MAPK4: variants seen among roughly 807,000 people sequenced by gnomAD.
The protein encoded by MAPK4 is mitogen-activated protein kinase 4, also known as Erk3-related.
In MAPK4, 22 loss-of-function variants were observed where a neutral mutation model predicts 47.7. That is an observed-to-expected ratio of 0.46 (90% confidence interval 0.33 to 0.66). The LOEUF is 0.66. MAPK4 is among the 30% of genes least tolerant of loss of function. The pLI, the probability that MAPK4 is intolerant of heterozygous loss-of-function variation, is 0.02. For missense variants in MAPK4, 736 were observed against 831.7 expected (o/e 0.88, Z 1.42); for synonymous variants, 390 against 365.7 (o/e 1.07, Z -0.76).
At chr18:50,624,489 T>C (rs1253526459) in intron 1 of MAPK4, among the ~76,000 whole-genome samples, 4 of 152,208 alleles carry the variant, frequency 2.6e-5, no homozygotes, top group Admixed American at 1.3e-4. Flanking sequence ...CTAATATTGT[T>C]AATAGTATAT....
intron 1 of MAPK4, among the ~76,000 whole-genome samples, chr18:50,643,897 A>G (rs1171627067): frequency 6.6e-6 from 1 of 152,148 alleles, no homozygotes; most frequent in African/African-American, 2.4e-5. Flanking sequence ...TTTGCCTTTC[A>G]GAAATGTCTT....
intron 1 of MAPK4, among the ~76,000 whole-genome samples, chr18:50,649,308 G>A (rs991487988): frequency 5.9e-5 from 9 of 152,134 alleles, no homozygotes; most frequent in Admixed American, 2.6e-4. Flanking sequence ...GATTCAGAAC[G>A]AAAAACAATT....
intron 1 of MAPK4, among the ~76,000 whole-genome samples, chr18:50,632,037 G>T (rs570346983): frequency 6.6e-6 from 1 of 152,266 alleles, no homozygotes; most frequent in Admixed American, 6.5e-5. Context: ...CGTGAGAAAG[G>T]CACAGTGGGG....
chr18:50,582,500 C>T lies in MAPK4; in HGVS notation c.-871+22257C>T, dbSNP rs375461397. On this transcript the variant is annotated intron_variant, in intron 1 of 5. Coordinates refer to ENST00000400384, the MANE Select transcript of MAPK4 (RefSeq NM_002747.4). ...GCACTGGGCAGGTGGGTAGACTAGG[C>T]CAGTGGTTCTCAAACTGTAGTCTGC... 2.4e-4 allele frequency among the ~76,000 whole-genome samples: 36 copies of T among 152,324 alleles called. No homozygotes were observed. The East Asian group carries it at 2.7e-3, about 11-fold the overall frequency.
rs1229809789 is a variant in MAPK4, at chr18:50,721,946, G to A, written c.700G>A (p.Glu234Lys). 3.1e-6 allele frequency: 5 copies of A among 1,613,980 alleles called. No homozygotes were observed. The East Asian group carries it at 6.7e-5, about 22-fold the overall frequency. The change falls in exon 4 of 6, where the codon GAG (glutamate) becomes AAG (lysine). Residue 234 changes from glutamate to lysine, a missense_variant. Glu to Lys is a moderately conservative substitution (Grantham distance 56). Transcript: ENST00000400384. Reference protein sequence around the residue: ...TGRMLFAGAHELEQMQLILET... With the variant: ...TGRMLFAGAHKLEQMQLILET... Reference sequence around the variant, plus strand: ...TGGCATTGCCTCCCCAGGGGCCCATGAGCTGGAGCAGATGCAACTCATCCT... The same window carrying A: ...TGGCATTGCCTCCCCAGGGGCCCATAAGCTGGAGCAGATGCAACTCATCCT...
At chr18:50,563,881 A>G (rs570442904) in intron 1 of MAPK4, among the ~76,000 whole-genome samples, 1 of 152,230 alleles carries the variant, frequency 6.6e-6, no homozygotes, top group East Asian at 1.9e-4. Context: ...CTTAAATATG[A>G]ATGTAGGTCA....
intron 1 of MAPK4, among the ~76,000 whole-genome samples, chr18:50,573,854 T>A (rs2042271536): frequency 6.6e-6 from 1 of 152,354 alleles, no homozygotes; most frequent in Middle Eastern, 3.4e-3. Context: ...AGTCCTCTTA[T>A]ACCAATGTCT....
Position 50,560,119 on chromosome 18 carries a change from C to A in MAPK4, c.-995C>A, listed in dbSNP as rs2042138801. On this transcript the variant is annotated 5_prime_UTR_variant, in exon 1 of 6. Coordinates refer to ENST00000400384, the MANE Select transcript of MAPK4 (RefSeq NM_002747.4). ...GAGCTGGAGCAGCGAGCCGGGCTGT[C>A]GGGGCGACCGCGGGAGCTCGCCGTG... 3 of 148,950 alleles carry A rather than the reference C, an allele frequency of 2.0e-5. No individual in the cohort carries two copies. In the South Asian group the frequency reaches 5.6e-4, roughly 28 times the overall value. The allele number at this position is 148,950 out of a possible 1,614,324, so 9.2% of individuals were successfully genotyped here. A position where few individuals can be genotyped will look rare whatever the true frequency, so the allele number is the denominator to read the frequency against.
chr18:50,722,024 A>T lies in MAPK4; in HGVS notation c.778A>T (p.Met260Leu). The change falls in exon 4 of 6, where the codon ATG (methionine) becomes TTG (leucine). Residue 260 changes from methionine (M) to leucine (L), a missense_variant. By Grantham distance (15) the Met-to-Leu change is conservative (BLOSUM62 2). Coordinates refer to ENST00000400384, the MANE Select transcript of MAPK4 (RefSeq NM_002747.4). ...EEDKDELLRV[M>L]PSFVSSTWEV... The stretch of plus-strand genomic sequence containing the variant: ...AGACAAGGACGAGCTGCTCAGGGTG[A>T]TGCCTTCCTTTGTCAGCAGCACCTG... 2 of 1,613,894 alleles carry T rather than the reference A, an allele frequency of 1.2e-6. No individual in the cohort carries two copies. Among genetic ancestry groups the T allele is most frequent in the Non-Finnish European group, 1.7e-6 (2 of 1,179,944 alleles).
chr18:50,640,171 G>A (rs1044663790), intron 1 of MAPK4, among the ~76,000 whole-genome samples: 1 of 152,192 alleles, frequency 6.6e-6, no homozygotes, highest in Admixed American at 6.5e-5. Context: ...AACCACACTA[G>A]CAGTAGAAGA....
chr18:50,643,889 T>C (rs114878515), intron 1 of MAPK4, among the ~76,000 whole-genome samples: 1 of 152,202 alleles, frequency 6.6e-6, no homozygotes. Flanking sequence ...TTGAATTCTT[T>C]GCCTTTCAGA....
intron 1 of MAPK4, among the ~76,000 whole-genome samples, chr18:50,600,844 A>G (rs2042529289): frequency 6.6e-6 from 1 of 152,142 alleles, no homozygotes; most frequent in African/African-American, 2.4e-5. Context: ...TTGATTGGGA[A>G]AGGAATTTCA....
At chr18:50,586,520 A>G (rs966625760) in intron 1 of MAPK4, among the ~76,000 whole-genome samples, 7 of 151,964 alleles carry the variant, frequency 4.6e-5, no homozygotes, top group African/African-American at 1.4e-4. Flanking sequence ...TTTATTTACT[A>G]GGTACATAGA....
intron 1 of MAPK4, among the ~76,000 whole-genome samples, chr18:50,627,146 G>A (rs975290052): frequency 1.3e-5 from 2 of 150,770 alleles, no homozygotes; most frequent in African/African-American, 4.9e-5. Flanking sequence ...GGACCACATG[G>A]TCAGAGGAGG....
intron 2 of MAPK4, among the ~76,000 whole-genome samples, chr18:50,666,932 C>A (rs1020733143): frequency 6.6e-6 from 1 of 152,156 alleles, no homozygotes; most frequent in African/African-American, 2.4e-5. Context: ...CTGTGAAGCA[C>A]TTAGGGCAAA....
intron 2 of MAPK4, among the ~76,000 whole-genome samples, chr18:50,687,481 A>G (rs1352307436): frequency 6.6e-6 from 1 of 152,240 alleles, no homozygotes; most frequent in Non-Finnish European, 1.5e-5. Context: ...GTTATCCTAA[A>G]GTAGCTCACT....
intron 1 of MAPK4, among the ~76,000 whole-genome samples, chr18:50,561,951 A>C (rs1472783843): frequency 6.6e-6 from 1 of 152,236 alleles, no homozygotes; most frequent in Non-Finnish European, 1.5e-5. Flanking sequence ...CATGCTGGAG[A>C]CAGACAAAAA....
chr18:50,632,462 G>GC (rs1309178917), intron 1 of MAPK4, among the ~76,000 whole-genome samples: 6 of 152,076 alleles, frequency 3.9e-5, no homozygotes, highest in African/African-American at 1.4e-4. Context: ...GAGTCATCCA[G>GC]CATCCCCTCT....
rs543288077 is a variant in MAPK4, at chr18:50,675,316, ATT to A, written c.546+10829_546+10830del. On this transcript the variant is annotated intron_variant, in intron 2 of 5. Coordinates refer to ENST00000400384, the MANE Select transcript of MAPK4 (RefSeq NM_002747.4). The stretch of plus-strand genomic sequence containing the variant: ...TCATTGACCTCCTTCTTGGCAAACC[ATT>A]TTTTTTTTTTTTTTTTGAGACGGAG... Among the ~76,000 whole-genome samples, 595 of 128,374 alleles carry A rather than the reference ATT, an allele frequency of 4.6e-3. 1 individual carries two copies. Among genetic ancestry groups the A allele is most frequent in the African/African-American group, 0.015 (531 of 34,684 alleles). The allele number at this position is 128,374 out of a possible 152,430, so 84.2% of individuals were successfully genotyped here. A position where few individuals can be genotyped will look rare whatever the true frequency, so the allele number is the denominator to read the frequency against.
Sources: gnomAD v4.1 joint callset for allele counts (sites outside exome capture counted in the v4.1 genomes callset) on GRCh38, gnomAD v4.1.1 for gene constraint, MANE v1.5 for transcripts, NCBI Gene and HGNC (gene_info 2026-07-23, HGNC 2026-07-21) for gene names.